Variants in NSMCE2 observed in about 807,000 individuals in gnomAD.
The protein encoded by NSMCE2 is NSE2 SUMO ligase component of SMC5/6 complex.
In NSMCE2, 24 loss-of-function variants were observed where a neutral mutation model predicts 23.8. The ratio of observed to expected loss-of-function variants is 1.01; its 90% CI spans 0.73 to 1.42. The LOEUF is 1.42. NSMCE2 is among the 40% of genes most tolerant of loss of function. The pLI, the probability that NSMCE2 is intolerant of heterozygous loss-of-function variation, is 0.00. For synonymous variants in NSMCE2, 92 were observed against 94.1 expected, an observed-to-expected ratio of 0.98 and a Z score of 0.13; for missense variants, 284 against 296.5, an observed-to-expected ratio of 0.96 and a Z score of 0.31.
intron 5 of NSMCE2, among the ~76,000 whole-genome samples, chr8:125,269,812 A>G (rs1341574776): frequency 6.6e-6 from 1 of 152,228 alleles, no homozygotes; most frequent in East Asian, 1.9e-4. Flanking sequence ...ACATCTATCA[A>G]GTTAATTGCT....
intron 4 of NSMCE2, among the ~76,000 whole-genome samples, chr8:125,156,762 A>G (rs2130706355): frequency 6.6e-6 from 1 of 152,336 alleles, no homozygotes; most frequent in East Asian, 1.9e-4. Flanking sequence ...GGTCAAAGGT[A>G]TAGTTTATCT....
intron 5 of NSMCE2, among the ~76,000 whole-genome samples, chr8:125,316,228 T>G (rs1251357766): frequency 6.6e-6 from 1 of 152,266 alleles, no homozygotes; most frequent in African/African-American, 2.4e-5. Context: ...CACAGTTTTC[T>G]TACCTTCAAC....
At chr8:125,129,011 C>G (rs532595212) in intron 3 of NSMCE2, among the ~76,000 whole-genome samples, 16 of 152,138 alleles carry the variant, frequency 1.1e-4, no homozygotes, top group Non-Finnish European at 1.8e-4. Context: ...CAGATAAGAA[C>G]ACGTTTTACA....
chr8:125,153,880 C>T (rs1036506959), intron 4 of NSMCE2, among the ~76,000 whole-genome samples: 1 of 152,044 alleles, frequency 6.6e-6, no homozygotes, highest in African/African-American at 2.4e-5. Context: ...TTCTAAAAAG[C>T]AAGTATTTTG....
intron 5 of NSMCE2, among the ~76,000 whole-genome samples, chr8:125,304,711 G>T (rs752331102): frequency 6.6e-6 from 1 of 151,906 alleles, no homozygotes; most frequent in Non-Finnish European, 1.5e-5. Flanking sequence ...ACAAAAATTA[G>T]CCAGGCATGG....
At chr8:125,099,554 C>T (rs1818086915) in intron 1 of NSMCE2, among the ~76,000 whole-genome samples, 1 of 152,086 alleles carries the variant, frequency 6.6e-6, no homozygotes, top group African/African-American at 2.4e-5. Flanking sequence ...AGAACAAGAA[C>T]AAGGTAGGCA....
chr8:125,266,470 TA>T (rs1826923455), intron 5 of NSMCE2, among the ~76,000 whole-genome samples: 1 of 152,236 alleles, frequency 6.6e-6, no homozygotes, highest in Non-Finnish European at 1.5e-5. Context: ...CAAACACAAT[TA>T]ACACTGTCTG....
chr8:125,314,324 G>A (rs1218273297), intron 5 of NSMCE2, among the ~76,000 whole-genome samples: 1 of 151,898 alleles, frequency 6.6e-6, no homozygotes, highest in Non-Finnish European at 1.5e-5. Context: ...TTTCACTCTT[G>A]TCGCACCCAG....
intron 3 of NSMCE2, among the ~76,000 whole-genome samples, chr8:125,105,008 G>A (rs1818388054): frequency 6.6e-6 from 1 of 152,204 alleles, no homozygotes; most frequent in South Asian, 2.1e-4. Context: ...GGGGAAGAGA[G>A]TGAGACTCTG....
At chr8:125,355,157 C>T (rs1028809278) in intron 5 of NSMCE2, among the ~76,000 whole-genome samples, 3 of 152,204 alleles carry the variant, frequency 2.0e-5, no homozygotes, top group Non-Finnish European at 4.4e-5. Flanking sequence ...CCTGTAGTGC[C>T]TTTGCAAACA....
chr8:125,185,734 T>C (rs1278286934), intron 5 of NSMCE2, among the ~76,000 whole-genome samples: 1 of 152,230 alleles, frequency 6.6e-6, no homozygotes, highest in Non-Finnish European at 1.5e-5. Flanking sequence ...ATAAGCCTAT[T>C]ACATGTTAAT....
chr8:125,096,762 C>T (rs1325221475), intron 1 of NSMCE2, among the ~76,000 whole-genome samples: 1 of 150,722 alleles, frequency 6.6e-6, no homozygotes, highest in Non-Finnish European at 1.5e-5. Flanking sequence ...AGGTGTGTAC[C>T]ACCATGCCCA....
At chr8:125,311,330 T>C (rs1828965312) in intron 5 of NSMCE2, among the ~76,000 whole-genome samples, 1 of 152,224 alleles carries the variant, frequency 6.6e-6, no homozygotes, top group Non-Finnish European at 1.5e-5. Flanking sequence ...AGAATCTTTG[T>C]AGAAATCTGT....
chr8:125,170,531 T>C (rs1049402500), intron 4 of NSMCE2, among the ~76,000 whole-genome samples: 26 of 151,662 alleles, frequency 1.7e-4, no homozygotes, highest in African/African-American at 5.6e-4. Context: ...CTCAGCCTCC[T>C]GAGTAGCTGG....
Position 125,324,792 on chromosome 8 carries a change from T to C in NSMCE2, c.419-32427T>C, listed in dbSNP as rs1315701754. On this transcript the variant is annotated intron_variant, in intron 5 of 7. Transcript: ENST00000287437. ...GGTTTCACCATGTTAGACAGGATGGTCTCGATCTCCTGACCTCGTGATCCG... is the reference window on the plus strand; with the variant it reads ...GGTTTCACCATGTTAGACAGGATGGCCTCGATCTCCTGACCTCGTGATCCG... Among the ~76,000 whole-genome samples the C allele has an allele frequency of 5.8e-5, 4 of 68,638 alleles. 1 individual carries two copies. Among genetic ancestry groups the C allele is most frequent in the African/African-American group, 1.3e-4 (4 of 31,062 alleles). 45.0% of individuals were successfully genotyped at this position (68,638 alleles called of 152,430 possible). A position where few individuals can be genotyped will look rare whatever the true frequency, so the allele number is the denominator to read the frequency against.
chr8:125,207,334 A>G (rs1255728548), intron 5 of NSMCE2, among the ~76,000 whole-genome samples: 1 of 152,216 alleles, frequency 6.6e-6, no homozygotes, highest in Non-Finnish European at 1.5e-5. Flanking sequence ...AAATTCTCAT[A>G]GCACATAAAG....
At chr8:125,256,421 C>G (rs1826418053) in intron 5 of NSMCE2, among the ~76,000 whole-genome samples, 1 of 152,110 alleles carries the variant, frequency 6.6e-6, no homozygotes, top group South Asian at 2.1e-4. Flanking sequence ...GAGGATAATG[C>G]AGGGGCAAAG....
intron 5 of NSMCE2, among the ~76,000 whole-genome samples, chr8:125,206,666 T>C (rs535746887): frequency 2.0e-5 from 3 of 152,334 alleles, no homozygotes; most frequent in South Asian, 2.1e-4. Context: ...CAAAAAGTTG[T>C]AGACTGTCTC....
intron 4 of NSMCE2, among the ~76,000 whole-genome samples, chr8:125,166,240 C>G (rs543935833): frequency 1.3e-5 from 2 of 152,188 alleles, no homozygotes; most frequent in South Asian, 4.1e-4. Flanking sequence ...TTTTCAGTTA[C>G]TGTAGTCATA....
Sources: gnomAD v4.1 joint callset for allele counts (sites outside exome capture counted in the v4.1 genomes callset) on GRCh38, gnomAD v4.1.1 for gene constraint, MANE v1.5 for transcripts, NCBI Gene and HGNC (gene_info 2026-07-23, HGNC 2026-07-21) for gene names.